The following TRAPPC3L variants were observed in gnomAD, a reference collection of about 807,000 sequenced individuals.
TRAPPC3L encodes the protein trafficking protein particle complex subunit 3-like protein.
TRAPPC3L carries 23 observed loss-of-function variants against 23.7 expected under a neutral mutation model. The observed-to-expected ratio is 0.97, with a 90% CI of 0.70 to 1.37. The LOEUF is 1.37. Among genes scored for constraint, TRAPPC3L ranks in the 40% most tolerant of loss-of-function variants. The pLI is 0.00. For missense variants in TRAPPC3L, 212 were observed against 216.8 expected, an observed-to-expected ratio of 0.98 and a Z score of 0.14; for synonymous variants, 81 against 77.9, an observed-to-expected ratio of 1.04 and a Z score of -0.21.
chr6:116,534,451 A>G (rs1460330024), intron 3 of TRAPPC3L, among the ~76,000 whole-genome samples: 1 of 147,832 alleles, frequency 6.8e-6, no homozygotes, highest in Non-Finnish European at 1.5e-5. Flanking sequence ...TCAGATCAGA[A>G]GCAGAAGAAA....
chr6:116,501,984 C>G (rs1771923185), intron 3 of TRAPPC3L, among the ~76,000 whole-genome samples: 1 of 152,198 alleles, frequency 6.6e-6, no homozygotes, highest in African/African-American at 2.4e-5. Flanking sequence ...AAGAACACAA[C>G]TCTTTGCCAG....
chr6:116,508,013 T>G (rs1161199832), intron 3 of TRAPPC3L, among the ~76,000 whole-genome samples: 1 of 152,214 alleles, frequency 6.6e-6, no homozygotes, highest in Non-Finnish European at 1.5e-5. Flanking sequence ...GCCTGGACTT[T>G]GAAGTTTATT....
intron 3 of TRAPPC3L, chr6:116,516,811 A>G (rs1772238104): frequency 6.6e-6 from 1 of 151,818 alleles, no homozygotes; most frequent in Non-Finnish European, 1.5e-5. Context: ...TGATTTTAAA[A>G]GAAATTAAAA....
intron 3 of TRAPPC3L, among the ~76,000 whole-genome samples, chr6:116,533,506 T>A (rs1772872183): frequency 6.6e-6 from 1 of 152,148 alleles, no homozygotes; most frequent in South Asian, 2.1e-4. Context: ...CCAGAATAAT[T>A]CCAGCGTGAG....
At position 116,496,071 on chromosome 6, in the gene TRAPPC3L, G is replaced by C. The variant is rs1771829866; in HGVS notation, c.*883C>G. On this transcript the variant is annotated 3_prime_UTR_variant, in exon 5 of 5. Coordinates refer to ENST00000368602, the MANE Select transcript of TRAPPC3L (RefSeq NM_001139444.3). ...GGGCTGCCTTGTAGGCCGCCCTTGTGTGCCAGTGGTCTGGTGAAGATTACT... is the reference window on the plus strand; with the variant it reads ...GGGCTGCCTTGTAGGCCGCCCTTGTCTGCCAGTGGTCTGGTGAAGATTACT... 1 of 152,194 alleles carries C rather than the reference G, an allele frequency of 6.6e-6. No individual in the cohort carries two copies. The highest frequency in any genetic ancestry group is 2.4e-5 in the African/African-American group (1 of 41,454). The allele number at this position is 152,194 out of a possible 1,614,324, so 9.4% of individuals were successfully genotyped here.
chr6:116,515,779 G>A, intron 3 of TRAPPC3L: 1 of 1,614,006 alleles, frequency 6.2e-7, no homozygotes, highest in Non-Finnish European at 8.5e-7. Flanking sequence ...TGAGCGAGAG[G>A]AACCTGAAAT....
intron 3 of TRAPPC3L, among the ~76,000 whole-genome samples, chr6:116,532,528 T>G (rs558897867): frequency 1.3e-5 from 2 of 152,282 alleles, no homozygotes; most frequent in African/African-American, 4.8e-5. Flanking sequence ...AACTTACAGA[T>G]CTGATGGGGA....
At chr6:116,537,016 G>A (rs1773138312) in intron 3 of TRAPPC3L, among the ~76,000 whole-genome samples, 1 of 152,166 alleles carries the variant, frequency 6.6e-6, no homozygotes, top group African/African-American at 2.4e-5. Flanking sequence ...CTTTGTCAAA[G>A]TGCTCCTGAA....
At chr6:116,516,984 C>G (rs750723710) in intron 3 of TRAPPC3L, 3 of 152,662 alleles carry the variant, frequency 2.0e-5, no homozygotes, top group African/African-American at 7.3e-5. Context: ...CTGGGAAGTC[C>G]GAGGTCAGGC....
In TRAPPC3L at chr6:116,496,691, T is replaced by C. The variant is rs1045764707; in HGVS notation, c.*263A>G. The C allele has an allele frequency of 7.9e-5, 28 of 356,304 alleles. No homozygotes were observed. The Admixed American group carries it at 1.2e-3, about 15-fold the overall frequency. The allele number at this position is 356,304 out of a possible 1,614,324, so 22.1% of individuals were successfully genotyped here. A position where few individuals can be genotyped will look rare whatever the true frequency, so the allele number is the denominator to read the frequency against. ...GAACAGCTTCTCTGAGGATGGATAG[T>C]GTAAGATGTGGAATTCCTGCCTGCT... On this transcript the variant is annotated 3_prime_UTR_variant, in exon 5 of 5. Coordinates refer to ENST00000368602, the MANE Select transcript of TRAPPC3L (RefSeq NM_001139444.3).
chr6:116,522,856 T>C (rs1319784577), intron 3 of TRAPPC3L: 2 of 152,054 alleles, frequency 1.3e-5, no homozygotes, highest in East Asian at 1.9e-4. Flanking sequence ...ATCTAAAACC[T>C]GTTGAGTCAA....
At chr6:116,534,890 C>G (rs1036790209) in intron 3 of TRAPPC3L, among the ~76,000 whole-genome samples, 1 of 152,046 alleles carries the variant, frequency 6.6e-6, no homozygotes, top group Non-Finnish European at 1.5e-5. Flanking sequence ...TTTTTTAAGT[C>G]TTTTTATGCT....
chr6:116,499,075 A>G (rs1771873875), intron 4 of TRAPPC3L, among the ~76,000 whole-genome samples: 1 of 151,046 alleles, frequency 6.6e-6, no homozygotes, highest in Non-Finnish European at 1.5e-5. Context: ...TCAAAATCGA[A>G]CTCCTCACTT....
At chr6:116,517,430 A>C (rs909717473) in intron 3 of TRAPPC3L, 5 of 152,108 alleles carry the variant, frequency 3.3e-5, no homozygotes, top group African/African-American at 1.2e-4. Context: ...TTCTCCTTAA[A>C]TCTCTGAGAA....
chr6:116,530,910 T>C (rs894833295), intron 3 of TRAPPC3L, among the ~76,000 whole-genome samples: 16 of 100,426 alleles, frequency 1.6e-4, no homozygotes, highest in Non-Finnish European at 8.4e-5. Flanking sequence ...CTCATATATA[T>C]ATATATATAT....
Position 116,496,801 on chromosome 6 carries a change from C to A in TRAPPC3L, c.*153G>T, listed in dbSNP as rs1771839345. ...TTTATAAGCAAAAGGAAAAAAAAAC[C>A]TTTAAGCCTTCATGCCCTGCATTTC... On this transcript the variant is annotated 3_prime_UTR_variant, in exon 5 of 5. Coordinates refer to ENST00000368602, the MANE Select transcript of TRAPPC3L (RefSeq NM_001139444.3). 2 of 1,111,346 alleles carry A rather than the reference C, an allele frequency of 1.8e-6. No homozygotes were observed. Among genetic ancestry groups the A allele is most frequent in the Non-Finnish European group, 2.4e-6 (2 of 833,044 alleles). The allele number at this position is 1,111,346 out of a possible 1,614,324, so 68.8% of individuals were successfully genotyped here.
chr6:116,529,696 T>G (rs1772580209), intron 3 of TRAPPC3L, among the ~76,000 whole-genome samples: 1 of 152,118 alleles, frequency 6.6e-6, no homozygotes. Context: ...CCTCATGAGG[T>G]GAATGCAGCA....
At chr6:116,509,453 A>C (rs147290015) in intron 3 of TRAPPC3L, among the ~76,000 whole-genome samples, 80 of 152,354 alleles carry the variant, frequency 5.3e-4, no homozygotes, top group African/African-American at 1.9e-3. Flanking sequence ...TTATACTACA[A>C]AGGTATAGTT....
At chr6:116,511,697 A>G (rs1221801765) in intron 3 of TRAPPC3L, 4 of 1,612,860 alleles carry the variant, frequency 2.5e-6, no homozygotes, top group South Asian at 1.1e-5. Context: ...CATCTCCAAC[A>G]TGGATGCTTT....
Sources: gnomAD v4.1 joint callset for allele counts (sites outside exome capture counted in the v4.1 genomes callset) on GRCh38, gnomAD v4.1.1 for gene constraint, MANE v1.5 for transcripts, NCBI Gene and HGNC (gene_info 2026-07-23, HGNC 2026-07-21) for gene names.